ST3GAL3: variants seen among roughly 807,000 people sequenced by gnomAD.
ST3GAL3 encodes CMP-N-acetylneuraminate-beta-1,4-galactoside alpha-2,3-sialyltransferase.
Under a neutral mutation model 50.1 loss-of-function variants are expected in ST3GAL3, and 21 were observed. The observed-to-expected ratio is 0.42, with a 90% CI of 0.30 to 0.60. ST3GAL3 has a LOEUF of 0.60. ST3GAL3 is among the 20% of genes least tolerant of loss of function. The pLI is 0.19. For missense variants in ST3GAL3, 353 were observed against 489.4 expected, an observed-to-expected ratio of 0.72 and a Z score of 2.63; for synonymous variants, 183 against 190.0, an observed-to-expected ratio of 0.96 and a Z score of 0.30.
chr1:43,820,540 C>T (rs375733300), intron 4 of ST3GAL3, among the ~76,000 whole-genome samples: 4 of 152,064 alleles, frequency 2.6e-5, no homozygotes, highest in African/African-American at 9.7e-5. Flanking sequence ...GAGAAATACT[C>T]CTAAAATACC....
chr1:43,792,318 G>A (rs944673157), intron 3 of ST3GAL3, among the ~76,000 whole-genome samples, 169 bp downstream of exon 3: 1 of 151,574 alleles, frequency 6.6e-6, no homozygotes, highest in African/African-American at 2.4e-5. Flanking sequence ...AGCAGAAGAG[G>A]GACATATCCA....
At chr1:43,830,267 C>A (rs2063373146) in intron 4 of ST3GAL3, among the ~76,000 whole-genome samples, 1 of 151,980 alleles carries the variant, frequency 6.6e-6, no homozygotes, top group Non-Finnish European at 1.5e-5. Context: ...AACTCCTGGG[C>A]TCTAGTGAAT....
intron 1 of ST3GAL3, among the ~76,000 whole-genome samples, chr1:43,731,975 G>T (rs1040974568): frequency 6.6e-6 from 1 of 152,140 alleles, no homozygotes; most frequent in African/African-American, 2.4e-5. Flanking sequence ...ATGGCGCCCG[G>T]CCCTTAATCT....
intron 5 of ST3GAL3, chr1:43,850,713 C>A: frequency 2.7e-6 from 2 of 738,472 alleles, no homozygotes; most frequent in Non-Finnish European, 5.0e-6. Context: ...TGTTTGGTAG[C>A]CCAGCTCCGT....
chr1:43,927,279 C>T (rs1057157698), intron 11 of ST3GAL3, among the ~76,000 whole-genome samples: 50 of 152,114 alleles, frequency 3.3e-4, no homozygotes, highest in African/African-American at 1.1e-3. Flanking sequence ...GAGCCAAGAT[C>T]GCACCATTGC....
rs556601217 is a variant in ST3GAL3, at chr1:43,773,063, T to A, written c.119-19039T>A. Among the ~76,000 whole-genome samples, 88 of 152,274 alleles carry A rather than the reference T, an allele frequency of 5.8e-4. 1 individual carries two copies. The highest frequency in any genetic ancestry group is 1.0e-3 in the Admixed American group (16 of 15,300). On this transcript the variant is annotated intron_variant, in intron 2 of 11. Transcript: ENST00000347631. ...CGCCAGGCCTATTCTCAAATTTTTT[T>A]AAAAAAATCACTCTATTTATGAATT...
intron 11 of ST3GAL3, among the ~76,000 whole-genome samples, chr1:43,925,283 C>T (rs1215129957): frequency 1.2e-5 from 1 of 82,826 alleles, no homozygotes; most frequent in African/African-American, 3.5e-5. Flanking sequence ...GGTGACAGAA[C>T]AAGACTGTGT....
intron 1 of ST3GAL3, among the ~76,000 whole-genome samples, chr1:43,732,634 C>T (rs563067274): frequency 6.6e-6 from 1 of 152,310 alleles, no homozygotes; most frequent in South Asian, 2.1e-4. Flanking sequence ...CCATCTCTTT[C>T]CTGCTAAGAC....
chr1:43,781,781 G>A (rs1483812608), intron 2 of ST3GAL3, among the ~76,000 whole-genome samples: 1 of 152,086 alleles, frequency 6.6e-6, no homozygotes, highest in Non-Finnish European at 1.5e-5. Context: ...AAACTGGAAG[G>A]CTAGTTCCTT....
At chr1:43,781,920 T>G (rs988941608) in intron 2 of ST3GAL3, among the ~76,000 whole-genome samples, 1 of 152,206 alleles carries the variant, frequency 6.6e-6, no homozygotes, top group African/African-American at 2.4e-5. Context: ...CCATAATACT[T>G]CATTAAGTCA....
chr1:43,802,133 C>G (rs1052616162), intron 3 of ST3GAL3, among the ~76,000 whole-genome samples: 1 of 152,022 alleles, frequency 6.6e-6, no homozygotes, highest in Non-Finnish European at 1.5e-5. Flanking sequence ...AAAACTAGAG[C>G]TTGTTTCGGT....
intron 5 of ST3GAL3, among the ~76,000 whole-genome samples, chr1:43,845,765 C>T (rs2066151116): frequency 6.6e-6 from 1 of 151,804 alleles, no homozygotes; most frequent in Admixed American, 6.6e-5. Flanking sequence ...CTCATATAAA[C>T]ATTGTAATGG....
intron 2 of ST3GAL3, among the ~76,000 whole-genome samples, chr1:43,752,708 G>A (rs1042948901): frequency 6.6e-6 from 1 of 152,062 alleles, no homozygotes; most frequent in African/African-American, 2.4e-5. Flanking sequence ...CACCATGTTT[G>A]CCCAGGCTCG....
intron 1 of ST3GAL3, chr1:43,727,268 A>G (rs1321809662): frequency 6.7e-6 from 1 of 149,790 alleles, no homozygotes; most frequent in African/African-American, 2.5e-5. Context: ...GGAGTCAGCC[A>G]TTCTTCCAAG....
rs558017868 is a variant in ST3GAL3 at position 43,787,028 on chromosome 1, T to C, written c.119-5074T>C. ...GTCCAATGGCAGAAAGACTGAGCCC[T>C]ATTCTTCTTCATACTCCCTTTAGAT... On this transcript the variant is annotated intron_variant, in intron 2 of 11. Transcript: ENST00000347631. 2.6e-5 allele frequency among the ~76,000 whole-genome samples: 4 copies of C among 152,380 alleles called. No homozygotes were observed. The South Asian group carries it at 8.3e-4, about 32-fold the overall frequency.
intron 11 of ST3GAL3, among the ~76,000 whole-genome samples, chr1:43,925,269 C>T (rs923544650): frequency 1.5e-5 from 2 of 129,830 alleles, no homozygotes; most frequent in African/African-American, 5.5e-5. Context: ...TGCACTCTAG[C>T]CTGGGTGACA....
rs766280724 is a variant in ST3GAL3 at position 43,930,241 on chromosome 1, A to G, written c.*20A>G. 5 of 1,609,716 alleles carry G rather than the reference A, an allele frequency of 3.1e-6. No individual in the cohort carries two copies. The highest frequency in any genetic ancestry group is 2.2e-5 in the East Asian group (1 of 44,862). ...ATCTGAGTGGGCCCAGCACATGGCC[A>G]TAGAGGCCCAGGCACCACCAGGAGC... On this transcript the variant is annotated 3_prime_UTR_variant, in exon 12 of 12. Transcript: ENST00000347631.
Position 43,732,918 on chromosome 1 carries a change from T to A in ST3GAL3, c.-30-3315T>A, listed in dbSNP as rs146378419. Among the ~76,000 whole-genome samples the A allele has an allele frequency of 4.0e-3, 608 of 152,288 alleles. 5 individuals carry two copies. Among genetic ancestry groups the A allele is most frequent in the African/African-American group, 0.014 (574 of 41,540 alleles). On this transcript the variant is annotated intron_variant, in intron 1 of 11. Transcript: ENST00000347631. ...ACCAATTTACATTTCTACAATGTGT[T>A]GTTTGATTTTTTTAATAGTAAAAAA...
At chr1:43,913,077 G>T (rs2081201871) in intron 9 of ST3GAL3, 4 of 152,346 alleles carry the variant, frequency 2.6e-5, no homozygotes, top group Admixed American at 2.6e-4. Context: ...AGCAGGGCTG[G>T]CAGTGTCTCC....
Sources: gnomAD v4.1 joint callset for allele counts (sites outside exome capture counted in the v4.1 genomes callset) on GRCh38, gnomAD v4.1.1 for gene constraint, MANE v1.5 for transcripts, NCBI Gene and HGNC (gene_info 2026-07-23, HGNC 2026-07-21) for gene names.